Variants in PRIMPOL observed in about 807,000 individuals in gnomAD.
PRIMPOL encodes DNA-directed primase/polymerase protein.
PRIMPOL carries 54 observed loss-of-function variants against 63.6 expected under a neutral mutation model. That is an observed-to-expected ratio of 0.85 (90% CI 0.68 to 1.07). The LOEUF is 1.07. Among genes scored for constraint, PRIMPOL ranks in the 50% least tolerant of loss-of-function variants. PRIMPOL has a pLI of 0.00. For synonymous variants in PRIMPOL, 197 were observed against 220.2 expected, an observed-to-expected ratio of 0.89 and a Z score of 0.93; for missense variants, 610 against 648.3, an observed-to-expected ratio of 0.94 and a Z score of 0.64.
At chr4:184,680,877 T>C (rs1396213407) in intron 8 of PRIMPOL, among the ~76,000 whole-genome samples, 1 of 152,188 alleles carries the variant, frequency 6.6e-6, no homozygotes, top group Non-Finnish European at 1.5e-5. Context: ...AGCAGGAGTG[T>C]AAAAATTGTG....
chr4:184,673,113 C>G (rs1367476506), intron 7 of PRIMPOL, among the ~76,000 whole-genome samples: 1 of 148,228 alleles, frequency 6.7e-6, no homozygotes, highest in African/African-American at 2.5e-5. Flanking sequence ...AAAGCCATGA[C>G]AGCAGCAGGT....
At chr4:184,671,902 T>A (rs11733991) in intron 6 of PRIMPOL, among the ~76,000 whole-genome samples, 3 of 151,068 alleles carry the variant, frequency 2.0e-5, no homozygotes, top group African/African-American at 7.4e-5. Flanking sequence ...CACCACGCCC[T>A]GCTAATTTTT....
At chr4:184,689,479 G>A (rs921507599) in intron 11 of PRIMPOL, among the ~76,000 whole-genome samples, 3 of 105,496 alleles carry the variant, frequency 2.8e-5, no homozygotes, top group African/African-American at 1.1e-4. Flanking sequence ...TTGAGATGGA[G>A]TCTTGCTCTG....
chr4:184,682,674 T>C (rs1253364525), intron 9 of PRIMPOL, among the ~76,000 whole-genome samples: 1 of 152,114 alleles, frequency 6.6e-6, no homozygotes, highest in Non-Finnish European at 1.5e-5. Flanking sequence ...AAAAAATAAT[T>C]TCCTATCAAA....
At chr4:184,659,458 C>T in intron 4 of PRIMPOL, 21 bp downstream of exon 4, 2 of 1,500,308 alleles carry the variant, frequency 1.3e-6, no homozygotes, top group Non-Finnish European at 1.9e-6. Context: ...TGCAGCAGAA[C>T]CACACATTAA....
At position 184,682,264 on chromosome 4, in the gene PRIMPOL, C is replaced by T. The variant is rs766305241; in HGVS notation, c.1024C>T (p.Arg342Ter). The change falls in exon 9 of 14, where the codon CGA becomes TGA. Residue 342 changes from arginine (R) to a stop codon, truncating the protein, a stop_gained. Transcript: ENST00000314970. LOFTEE classifies it high-confidence loss of function. ...VSNVRFSDTL[R>*]ILTCEPSQNK... ...CTTCTTCAGGTTCTCAGATACTTTA[C>T]GAATTCTTACATGTGAGCCATCTCA... The T allele has an allele frequency of 1.3e-6, 2 of 1,591,716 alleles. No individual in the cohort carries two copies. Among genetic ancestry groups the T allele is most frequent in the African/African-American group, 1.3e-5 (1 of 74,414 alleles).
At chr4:184,677,611 G>T (rs943577116) in intron 7 of PRIMPOL, among the ~76,000 whole-genome samples, 18 of 151,984 alleles carry the variant, frequency 1.2e-4, no homozygotes, top group Non-Finnish European at 2.1e-4. Flanking sequence ...AAATTTCTTG[G>T]TAGTTATTGA....
At chr4:184,677,703 C>T (rs1479003780) in intron 7 of PRIMPOL, among the ~76,000 whole-genome samples, 1 of 152,074 alleles carries the variant, frequency 6.6e-6, no homozygotes, top group Non-Finnish European at 1.5e-5. Flanking sequence ...ATTTGGATTG[C>T]CTTGAATCTA....
In PRIMPOL at chr4:184,673,915, G is replaced by C. The variant is rs73873052; in HGVS notation, c.844+1455G>C. Among the ~76,000 whole-genome samples the C allele has an allele frequency of 7.2e-3, 1,101 of 152,348 alleles. 14 individuals carry two copies. The highest frequency in any genetic ancestry group is 0.025 in the African/African-American group (1,044 of 41,574). On this transcript the variant is annotated intron_variant, in intron 7 of 13. Coordinates refer to ENST00000314970, the MANE Select transcript of PRIMPOL (RefSeq NM_152683.4). ...TCAAGCACCAGAACTTGGAAAGACA[G>C]AGGAGTGTGAGGTCGAGCAGCCACA...
At chr4:184,652,415 A>G (rs1270287553) in intron 2 of PRIMPOL, among the ~76,000 whole-genome samples, 1 of 152,116 alleles carries the variant, frequency 6.6e-6, no homozygotes, top group African/African-American at 2.4e-5. Flanking sequence ...GGAAAAAAAA[A>G]AAGCACAATA....
At chr4:184,675,785 C>G (rs561254918) in intron 7 of PRIMPOL, among the ~76,000 whole-genome samples, 4 of 152,270 alleles carry the variant, frequency 2.6e-5, no homozygotes, top group Non-Finnish European at 5.9e-5. Context: ...CCACTGCACT[C>G]CAGCCTGGGC....
intron 6 of PRIMPOL, among the ~76,000 whole-genome samples, chr4:184,669,811 C>T (rs1170206136): frequency 6.6e-6 from 1 of 152,190 alleles, no homozygotes; most frequent in Non-Finnish European, 1.5e-5. Flanking sequence ...GGGCTGCCAG[C>T]TCAGCCCCTT....
At chr4:184,674,761 A>C (rs1002770986) in intron 7 of PRIMPOL, among the ~76,000 whole-genome samples, 1 of 152,240 alleles carries the variant, frequency 6.6e-6, no homozygotes, top group African/African-American at 2.4e-5. Context: ...AGAAAATCAT[A>C]AGGAAGAGGG....
rs186016894 is a variant in PRIMPOL at position 184,682,547 on chromosome 4, C to T, written c.1096+211C>T. Among the ~76,000 whole-genome samples the T allele has an allele frequency of 1.5e-3, 233 of 152,042 alleles. 1 individual carries two copies. The highest frequency in any genetic ancestry group is 1.8e-3 in the Non-Finnish European group (120 of 67,964). ...ATTTTTAGTAGAGATGAGATTTCAC[C>T]ATGTTGCCCAGGCTGGTCTCAAACT... On this transcript the variant is annotated intron_variant, in intron 9 of 13. Coordinates refer to ENST00000314970, the MANE Select transcript of PRIMPOL (RefSeq NM_152683.4).
At chr4:184,663,701 C>CG (rs1215279767) in intron 5 of PRIMPOL, among the ~76,000 whole-genome samples, 1 of 152,150 alleles carries the variant, frequency 6.6e-6, no homozygotes, top group Non-Finnish European at 1.5e-5. Context: ...CTGTAGAAAT[C>CG]GAAGTTCAAA....
At chr4:184,653,289 C>T (rs1473621131) in intron 2 of PRIMPOL, among the ~76,000 whole-genome samples, 2 of 152,150 alleles carry the variant, frequency 1.3e-5, no homozygotes, top group Non-Finnish European at 2.9e-5. Context: ...TGGGCATAAA[C>T]GCAGGGAAGC....
At chr4:184,661,974 G>T in intron 5 of PRIMPOL, 71 bp downstream of exon 5, 1 of 1,440,466 alleles carries the variant, frequency 6.9e-7, no homozygotes, top group Non-Finnish European at 9.5e-7. Context: ...AGTGAATTCA[G>T]CCTACATAAT....
intron 9 of PRIMPOL, among the ~76,000 whole-genome samples, chr4:184,684,742 T>A (rs1756572157): frequency 6.6e-6 from 1 of 152,088 alleles, no homozygotes; most frequent in Non-Finnish European, 1.5e-5. Flanking sequence ...CCAGGAAGTT[T>A]GGGGTTTGTT....
At chr4:184,658,907 C>CAA (rs35646133) in intron 3 of PRIMPOL, among the ~76,000 whole-genome samples, 1 of 93,784 alleles carries the variant, frequency 1.1e-5, no homozygotes, top group African/African-American at 4.1e-5. Flanking sequence ...GACTCTGTTT[C>CAA]AAAAAAAAAA....
Sources: allele counts gnomAD v4.1 joint callset (sites outside exome capture counted in the v4.1 genomes callset), GRCh38; gene constraint gnomAD v4.1.1; transcripts MANE v1.5; gene names NCBI Gene and HGNC (gene_info 2026-07-23, HGNC 2026-07-21).